Variants in CSMD3 observed in about 807,000 individuals in gnomAD.
The protein encoded by CSMD3 is CUB and Sushi multiple domains 3.
Under a neutral mutation model 435.2 loss-of-function variants are expected in CSMD3, and 177 were observed. The ratio of observed to expected loss-of-function variants is 0.41; its 90% CI spans 0.36 to 0.46. The LOEUF is 0.46. Among genes scored for constraint, CSMD3 ranks in the 20% least tolerant of loss-of-function variants. CSMD3 has a pLI of 0.34. For synonymous variants in CSMD3, 1,656 were observed against 1,520.5 expected, an observed-to-expected ratio of 1.09 and a Z score of -2.07; for missense variants, 4,265 against 4,504.6, an observed-to-expected ratio of 0.95 and a Z score of 1.52.
chr8:112,238,041 T>A (rs984759223), intron 66 of CSMD3, among the ~76,000 whole-genome samples: 3 of 152,118 alleles, frequency 2.0e-5, no homozygotes, highest in African/African-American at 7.2e-5. Flanking sequence ...CTATTTTAGA[T>A]ACTAGCCAAA....
chr8:113,386,709 T>G (rs892710457), intron 1 of CSMD3, among the ~76,000 whole-genome samples: 1 of 151,882 alleles, frequency 6.6e-6, no homozygotes, highest in African/African-American at 2.4e-5. Flanking sequence ...TTCTTAAAAA[T>G]GTGATCCACA....
intron 10 of CSMD3, among the ~76,000 whole-genome samples, chr8:112,885,014 C>A (rs944379153): frequency 6.6e-6 from 1 of 151,606 alleles, no homozygotes; most frequent in African/African-American, 2.4e-5. Context: ...CTCTAAGGGT[C>A]CCTCCCCTGT....
In CSMD3 at chr8:112,287,086, G is replaced by A. The variant is rs781037692; in HGVS notation, c.9309C>T (p.Thr3103=). 2.0e-5 allele frequency: 32 copies of A among 1,613,360 alleles called. No individual in the cohort carries two copies. Among genetic ancestry groups the A allele is most frequent in the Middle Eastern group, 1.6e-4 (1 of 6,080 alleles). The part of the protein sequence containing the change: ...ERTCLANGSW[T]GRQPECKAVQ... ...TACCTTTGCACTCTGGCTGCCTTCC[G>A]GTCCAACTGCCATTAGCTAAACATG... is the stretch of plus-strand genomic sequence containing the variant. Residue 3103 remains threonine, a synonymous_variant, in exon 58 of 71, where the codon ACC becomes ACT. Transcript: ENST00000297405.
At chr8:112,530,840 T>G (rs1304751903) in intron 27 of CSMD3, among the ~76,000 whole-genome samples, 1 of 152,176 alleles carries the variant, frequency 6.6e-6, no homozygotes, top group Non-Finnish European at 1.5e-5. Flanking sequence ...CCAGGCAAGA[T>G]AGAAATCTGT....
intron 32 of CSMD3, among the ~76,000 whole-genome samples, chr8:112,427,225 C>T (rs1005327231): frequency 6.6e-6 from 1 of 152,096 alleles, no homozygotes; most frequent in South Asian, 2.1e-4. Context: ...CAAGTCTTTC[C>T]TGACTTGATA....
intron 32 of CSMD3, among the ~76,000 whole-genome samples, chr8:112,456,444 A>G (rs1816850039): frequency 6.6e-6 from 1 of 152,118 alleles, no homozygotes; most frequent in Non-Finnish European, 1.5e-5. Context: ...TCTATGAAAT[A>G]CTATTAAGAA....
intron 4 of CSMD3, among the ~76,000 whole-genome samples, chr8:113,158,483 A>C (rs2091976300): frequency 6.6e-6 from 1 of 152,100 alleles, no homozygotes; most frequent in African/African-American, 2.4e-5. Flanking sequence ...CCATCACTTG[A>C]ATTGACTCTG....
intron 4 of CSMD3, among the ~76,000 whole-genome samples, chr8:113,162,854 A>G (rs553575184): frequency 3.9e-5 from 6 of 152,266 alleles, no homozygotes; most frequent in South Asian, 2.1e-4. Flanking sequence ...GTATAAACAT[A>G]TAAGTTATTC....
chr8:112,673,878 T>C (rs1225881852), intron 16 of CSMD3, among the ~76,000 whole-genome samples: 2 of 152,070 alleles, frequency 1.3e-5, no homozygotes, highest in Non-Finnish European at 2.9e-5. Context: ...GGCAAGGGAG[T>C]TCTTGCTTGA....
rs556759461 is a variant in CSMD3 at position 113,214,182 on chromosome 8, A to G, written c.515-40266T>C. On this transcript the variant is annotated intron_variant, in intron 3 of 70. Coordinates refer to ENST00000297405, the MANE Select transcript of CSMD3 (RefSeq NM_198123.2). ...ATTCTTGGGGGATTCTTTTCTGTTC[A>G]TGTGTTGCTATGTCATTGTGTATAT... Among the ~76,000 whole-genome samples the G allele has an allele frequency of 2.0e-5, 3 of 152,080 alleles. No homozygotes were observed. The East Asian group carries it at 5.8e-4, about 29-fold the overall frequency.
intron 14 of CSMD3, among the ~76,000 whole-genome samples, chr8:112,689,667 A>C (rs1338542119): frequency 6.6e-6 from 1 of 152,114 alleles, no homozygotes; most frequent in African/African-American, 2.4e-5. Flanking sequence ...GCCATTACCA[A>C]GTGAACTATG....
intron 13 of CSMD3, among the ~76,000 whole-genome samples, chr8:112,732,841 A>C (rs939006155): frequency 6.6e-6 from 1 of 152,166 alleles, no homozygotes; most frequent in South Asian, 2.1e-4. Context: ...TAATTGCATA[A>C]AATCTGGCAA....
chr8:113,044,950 C>T (rs1422471286), intron 5 of CSMD3, among the ~76,000 whole-genome samples: 1 of 149,056 alleles, frequency 6.7e-6, no homozygotes, highest in Non-Finnish European at 1.5e-5. Context: ...TGACAAACTA[C>T]TACTTATCCT....
intron 1 of CSMD3, among the ~76,000 whole-genome samples, chr8:113,403,313 G>A (rs1176834022): frequency 2.0e-5 from 3 of 151,238 alleles, no homozygotes; most frequent in East Asian, 1.9e-4. Context: ...TACAGAACAA[G>A]GGTTTGTTTC....
chr8:112,627,285 T>A (rs1000177867), intron 22 of CSMD3, among the ~76,000 whole-genome samples: 1 of 152,158 alleles, frequency 6.6e-6, no homozygotes, highest in African/African-American at 2.4e-5. Flanking sequence ...TTCTTAGACA[T>A]AGCCAAAGAA....
intron 34 of CSMD3, among the ~76,000 whole-genome samples, chr8:112,407,038 G>A (rs984555185): frequency 6.6e-6 from 1 of 151,894 alleles, no homozygotes; most frequent in Admixed American, 6.6e-5. Flanking sequence ...TGTAATTTGT[G>A]GGATGAAAAC....
At chr8:112,917,365 A>G (rs2082604338) in intron 10 of CSMD3, among the ~76,000 whole-genome samples, 1 of 151,962 alleles carries the variant, frequency 6.6e-6, no homozygotes, top group Admixed American at 6.6e-5. Flanking sequence ...GAAATAGGAA[A>G]GAATTTTTGT....
chr8:112,590,157 A>G (rs9918776), intron 22 of CSMD3, among the ~76,000 whole-genome samples: 86,835 of 151,852 alleles, frequency 0.57, 25,335 homozygotes, highest in African/African-American at 0.67. Context: ...ATAGATAATT[A>G]TGAAATATTT....
rs370981942 is a variant in CSMD3 at position 112,625,037 on chromosome 8, AG to A, written c.3715+11779del. 3.1e-4 allele frequency among the ~76,000 whole-genome samples: 47 copies of A among 151,996 alleles called. 1 individual carries two copies. Among genetic ancestry groups the A allele is most frequent in the African/African-American group, 1.1e-3 (46 of 41,528 alleles). ...TATGTTGCAGGGGAGGGGATTCGAG[AG>A]GAAAAAAAAAGAAAAGAAAACATAG... On this transcript the variant is annotated intron_variant, in intron 22 of 70. Coordinates refer to ENST00000297405, the MANE Select transcript of CSMD3 (RefSeq NM_198123.2).
Sources: gnomAD v4.1 joint callset for allele counts (sites outside exome capture counted in the v4.1 genomes callset) on GRCh38, gnomAD v4.1.1 for gene constraint, MANE v1.5 for transcripts, NCBI Gene and HGNC (gene_info 2026-07-23, HGNC 2026-07-21) for gene names.